Variants in PVT1 observed in about 807,000 individuals in gnomAD.
The protein encoded by PVT1 is CXCR4/PVT1 fusion.
chr8:127,994,281 G>T (rs532615681), intron 4 of PVT1, among the ~76,000 whole-genome samples: 6 of 152,118 alleles, frequency 3.9e-5, no homozygotes, highest in African/African-American at 1.2e-4. Context: ...TTGGGATCTC[G>T]CCTGGAAACA....
intron 5 of PVT1, among the ~76,000 whole-genome samples, chr8:128,081,830 A>G (rs1814184339): frequency 6.6e-6 from 1 of 152,266 alleles, no homozygotes; most frequent in East Asian, 1.9e-4. Context: ...CATTTTAACT[A>G]GTAACAGAAC....
chr8:127,934,280 A>G (rs969933673), intron 3 of PVT1, among the ~76,000 whole-genome samples: 7 of 152,216 alleles, frequency 4.6e-5, no homozygotes, highest in African/African-American at 1.7e-4. Flanking sequence ...TTGAATGCTT[A>G]CTTTGCCCCA....
chr8:127,978,604 C>A (rs1304212934), intron 3 of PVT1, among the ~76,000 whole-genome samples: 1 of 151,884 alleles, frequency 6.6e-6, no homozygotes, highest in South Asian at 2.1e-4. Context: ...CTGCCTCAGC[C>A]TCTTGAGTAG....
chr8:127,831,390 T>C (rs1412382717), intron 2 of PVT1, among the ~76,000 whole-genome samples: 2 of 151,978 alleles, frequency 1.3e-5, no homozygotes, highest in Non-Finnish European at 1.5e-5. Flanking sequence ...GGGCAGTAGA[T>C]TGTGGGCGCA....
intron 2 of PVT1, among the ~76,000 whole-genome samples, chr8:127,844,037 C>A (rs1045375953): frequency 1.3e-5 from 2 of 151,712 alleles, no homozygotes; most frequent in Non-Finnish European, 2.9e-5. Context: ...GGCTGTAGTG[C>A]AGTGGCGCAA....
chr8:127,891,772 C>T (rs1016067692), intron 3 of PVT1, among the ~76,000 whole-genome samples: 2 of 152,174 alleles, frequency 1.3e-5, no homozygotes, highest in Admixed American at 6.5e-5. Flanking sequence ...AGCTGGTTGG[C>T]GTGGACAGTT....
intron 4 of PVT1, among the ~76,000 whole-genome samples, chr8:127,995,049 T>C (rs1817089253): frequency 6.6e-6 from 1 of 152,164 alleles, no homozygotes; most frequent in Admixed American, 6.5e-5. Flanking sequence ...AAATTAACCA[T>C]CACACTGCAG....
At chr8:127,935,091 G>A (rs1272472899) in intron 3 of PVT1, among the ~76,000 whole-genome samples, 2 of 152,000 alleles carry the variant, frequency 1.3e-5, no homozygotes, top group South Asian at 2.1e-4. Context: ...CTCAGCCGCC[G>A]TAGTAGCTGG....
intron 4 of PVT1, among the ~76,000 whole-genome samples, chr8:128,001,131 C>T (rs529757552): frequency 4.6e-5 from 7 of 152,346 alleles, no homozygotes; most frequent in South Asian, 4.1e-4. Flanking sequence ...CCCACCCCAC[C>T]GCCTACCGCC....
chr8:127,921,577 C>T lies in PVT1; in HGVS notation n.782+30579C>T, dbSNP rs560896165. Among the ~76,000 whole-genome samples, 7 of 152,110 alleles carry T rather than the reference C, an allele frequency of 4.6e-5. No homozygotes were observed. In the South Asian group the frequency reaches 6.2e-4, roughly 14 times the overall value. Reference sequence around the variant, plus strand: ...CTGTAATCCCAACACTTTGGGAGGCCGAGGAGGGAGGATCATTTGAGGCCA... The same window carrying T: ...CTGTAATCCCAACACTTTGGGAGGCTGAGGAGGGAGGATCATTTGAGGCCA... On this transcript the variant is annotated intron_variant and non_coding_transcript_variant, in intron 3 of 10. Transcript: ENST00000651587.
intron 5 of PVT1, among the ~76,000 whole-genome samples, chr8:128,095,811 G>T (rs1414828908): frequency 6.6e-6 from 1 of 152,234 alleles, no homozygotes; most frequent in Admixed American, 6.5e-5. Flanking sequence ...CAAGGAACCA[G>T]CTTGAGGTAC....
chr8:127,976,981 TC>T (rs1263042461), intron 3 of PVT1, among the ~76,000 whole-genome samples: 1 of 152,174 alleles, frequency 6.6e-6, no homozygotes, highest in Admixed American at 6.5e-5. Context: ...TTTTAGGTGC[TC>T]CCAGATCCAC....
chr8:127,827,405 C>G (rs1281688488), intron 2 of PVT1, among the ~76,000 whole-genome samples: 1 of 152,190 alleles, frequency 6.6e-6, no homozygotes, highest in Non-Finnish European at 1.5e-5. Flanking sequence ...AGCCTCTGGT[C>G]CCCTGGCAGC....
At chr8:127,881,512 A>G (rs2129787351) in intron 2 of PVT1, among the ~76,000 whole-genome samples, 1 of 151,204 alleles carries the variant, frequency 6.6e-6, no homozygotes, top group Admixed American at 6.6e-5. Context: ...GTGCAGTGGC[A>G]CAATCACAAT....
intron 2 of PVT1, among the ~76,000 whole-genome samples, chr8:127,817,506 T>TA (rs1563613207): frequency 7.8e-6 from 1 of 127,754 alleles, no homozygotes; most frequent in African/African-American, 3.0e-5. Context: ...TACATATATA[T>TA]TTAAATAGAT....
At chr8:128,019,448 G>T (rs1319334295) in intron 4 of PVT1, among the ~76,000 whole-genome samples, 3 of 152,180 alleles carry the variant, frequency 2.0e-5, no homozygotes, top group African/African-American at 7.2e-5. Context: ...ACCCTGAATT[G>T]TAGGTTTGTC....
At chr8:127,835,205 A>G (rs1283054817) in intron 2 of PVT1, among the ~76,000 whole-genome samples, 1 of 152,210 alleles carries the variant, frequency 6.6e-6, no homozygotes, top group Non-Finnish European at 1.5e-5. Context: ...CCAAATGCCC[A>G]TCACTGATAG....
At chr8:128,072,056 A>AT (rs1563680422) in intron 5 of PVT1, among the ~76,000 whole-genome samples, 1 of 152,192 alleles carries the variant, frequency 6.6e-6, no homozygotes, top group Non-Finnish European at 1.5e-5. Flanking sequence ...TATTGTTGCC[A>AT]TTTTTTAAAA....
intron 4 of PVT1, among the ~76,000 whole-genome samples, chr8:128,022,561 G>A (rs893191599): frequency 3.9e-5 from 6 of 152,174 alleles, no homozygotes; most frequent in African/African-American, 1.4e-4. Context: ...GGCCAAATCT[G>A]GTGTCCGGTT....
Sources: gnomAD v4.1 joint callset for allele counts (sites outside exome capture counted in the v4.1 genomes callset) on GRCh38, gnomAD v4.1.1 for gene constraint, MANE v1.5 for transcripts, NCBI Gene and HGNC (gene_info 2026-07-23, HGNC 2026-07-21) for gene names.